The following PTPRD variants were observed in gnomAD, a reference collection of about 807,000 sequenced individuals.
PTPRD encodes the protein receptor-type tyrosine-protein phosphatase delta.
A neutral mutation model predicts 214.5 loss-of-function variants in PTPRD; 34 were observed. That is an observed-to-expected ratio of 0.16 (90% CI 0.12 to 0.21). The LOEUF is 0.21. Ranked by LOEUF, PTPRD falls within the 10% of genes least tolerant of loss-of-function variation. The pLI, the probability that PTPRD is intolerant of heterozygous loss-of-function variation, is 1.00. For synonymous variants in PTPRD, 1,128 were observed against 845.7 expected (o/e 1.33, Z -5.79); for missense variants, 2,545 against 2,398.7 (o/e 1.06, Z -1.27).
chr9:9,005,900 T>C (rs1392532211), intron 11 of PTPRD, among the ~76,000 whole-genome samples: 2 of 152,030 alleles, frequency 1.3e-5, no homozygotes, highest in African/African-American at 2.4e-5. Context: ...GGACTTGCTA[T>C]AGAAAAATAA....
Position 9,665,705 on chromosome 9 carries a change from T to C in PTPRD, c.-287+68828A>G, listed in dbSNP as rs541481514. 2.0e-4 allele frequency among the ~76,000 whole-genome samples: 31 copies of C among 151,948 alleles called. 1 individual carries two copies. The highest frequency in any genetic ancestry group is 6.3e-4 in the African/African-American group (26 of 41,514). ...ATAGTTCTATTTGAATTTATTTATATCCTTTTTTCCTAGCCCACATTAATG... is the reference window on the plus strand; with the variant it reads ...ATAGTTCTATTTGAATTTATTTATACCCTTTTTTCCTAGCCCACATTAATG... On this transcript the variant is annotated intron_variant, in intron 7 of 45. Transcript: ENST00000381196.
intron 12 of PTPRD, among the ~76,000 whole-genome samples, chr9:8,706,330 T>C (rs1013252275): frequency 2.6e-5 from 4 of 152,208 alleles, no homozygotes; most frequent in African/African-American, 9.6e-5. Flanking sequence ...CTTTCCTTTA[T>C]TTAGTCTGAC....
chr9:10,052,770 A>C (rs1355648062), intron 3 of PTPRD, among the ~76,000 whole-genome samples: 1 of 151,938 alleles, frequency 6.6e-6, no homozygotes, highest in African/African-American at 2.4e-5. Flanking sequence ...CTTTCTTCAA[A>C]ATGTATCCAT....
intron 39 of PTPRD, among the ~76,000 whole-genome samples, chr9:8,345,740 C>G (rs765051247): frequency 4.6e-5 from 7 of 152,058 alleles, no homozygotes; most frequent in Non-Finnish European, 1.0e-4. Context: ...AAATCGAAAT[C>G]AAAGATGAAC....
In PTPRD at chr9:8,662,151, G is replaced by A. The variant is rs138863965; in HGVS notation, c.65-25307C>T. 3.3e-4 allele frequency among the ~76,000 whole-genome samples: 50 copies of A among 152,224 alleles called. No individual in the cohort carries two copies. The East Asian group carries it at 8.7e-3, about 26-fold the overall frequency. On this transcript the variant is annotated intron_variant, in intron 12 of 45. Coordinates refer to ENST00000381196, the MANE Select transcript of PTPRD (RefSeq NM_002839.4). The stretch of plus-strand genomic sequence containing the variant: ...GAACAATAACTTATGAGGATTTGAT[G>A]TATTTTACATAAGTGAGAGACAACC...
At chr9:8,350,118 T>G (rs553685659) in intron 39 of PTPRD, among the ~76,000 whole-genome samples, 1 of 152,096 alleles carries the variant, frequency 6.6e-6, no homozygotes, top group Non-Finnish European at 1.5e-5. Flanking sequence ...TCCCACGAGT[T>G]GAAACGGGCT....
At chr9:8,754,934 G>A (rs1183932831) in intron 11 of PTPRD, among the ~76,000 whole-genome samples, 3 of 152,010 alleles carry the variant, frequency 2.0e-5, no homozygotes, top group Admixed American at 6.6e-5. Context: ...AACCCAGATG[G>A]TCACTGAACA....
At chr9:10,305,574 G>A (rs1308952477) in intron 3 of PTPRD, among the ~76,000 whole-genome samples, 1 of 151,868 alleles carries the variant, frequency 6.6e-6, no homozygotes. Context: ...AAATTTAAAA[G>A]AAAGAAAACA....
chr9:10,416,724 G>C (rs2098493431), intron 2 of PTPRD, among the ~76,000 whole-genome samples: 1 of 151,802 alleles, frequency 6.6e-6, no homozygotes, highest in South Asian at 2.1e-4. Context: ...AGAGACTTAA[G>C]AGTATCTCTG....
At chr9:9,338,618 C>A (rs1365441076) in intron 9 of PTPRD, among the ~76,000 whole-genome samples, 1 of 152,112 alleles carries the variant, frequency 6.6e-6, no homozygotes, top group East Asian at 1.9e-4. Context: ...CCAAGCTCTT[C>A]AGCATTTATT....
intron 4 of PTPRD, among the ~76,000 whole-genome samples, chr9:10,031,605 T>G (rs2097070346): frequency 7.4e-6 from 1 of 135,580 alleles, no homozygotes; most frequent in Non-Finnish European, 1.5e-5. Context: ...TCATGTACAT[T>G]AATAATACTT....
At chr9:9,398,668 TA>T (rs1419687050) in intron 8 of PTPRD, among the ~76,000 whole-genome samples, 5 of 152,028 alleles carry the variant, frequency 3.3e-5, no homozygotes, top group African/African-American at 1.2e-4. Flanking sequence ...AAAAATTCTT[TA>T]AGACTTTTTC....
At chr9:9,601,288 A>G (rs1406691938) in intron 7 of PTPRD, among the ~76,000 whole-genome samples, 1 of 151,942 alleles carries the variant, frequency 6.6e-6, no homozygotes, top group Non-Finnish European at 1.5e-5. Context: ...GCTTTGTGAG[A>G]TTTTAAACTT....
chr9:8,315,809 C>G lies in PTPRD; in HGVS notation c.*2065G>C. 4.4e-6 allele frequency: 1 copy of G among 226,986 alleles called. No individual in the cohort carries two copies. The highest frequency in any genetic ancestry group is 8.8e-6 in the Non-Finnish European group (1 of 114,010). 14.1% of individuals were successfully genotyped at this position (226,986 alleles called of 1,614,324 possible). On this transcript the variant is annotated 3_prime_UTR_variant, in exon 46 of 46. Transcript: ENST00000381196. ...TAAAATTAAACCAAAGTAGTATACT[C>G]ATACCAAAACTCTTTAAGAGTTCCT... is the stretch of plus-strand genomic sequence containing the variant.
At chr9:10,018,570 C>G (rs1344632191) in intron 4 of PTPRD, among the ~76,000 whole-genome samples, 1 of 32,090 alleles carries the variant, frequency 3.1e-5, no homozygotes, top group African/African-American at 5.8e-5. Context: ...TTTTTTGAGA[C>G]GGAGTCTCGC....
intron 3 of PTPRD, among the ~76,000 whole-genome samples, chr9:10,130,650 G>A (rs536999689): frequency 6.6e-6 from 1 of 151,942 alleles, no homozygotes; most frequent in South Asian, 2.1e-4. Flanking sequence ...AGTATTTAGC[G>A]ATTATAAGTA....
chr9:9,706,654 G>A (rs184122634), intron 7 of PTPRD, among the ~76,000 whole-genome samples: 1 of 151,896 alleles, frequency 6.6e-6, no homozygotes, highest in African/African-American at 2.4e-5. Context: ...TGGCCAACCT[G>A]GTCTCGAATT....
chr9:9,589,340 T>G lies in PTPRD; in HGVS notation c.-286-14559A>C, dbSNP rs537231948. Among the ~76,000 whole-genome samples, 464 of 152,054 alleles carry G rather than the reference T, an allele frequency of 3.1e-3. 1 individual carries two copies. The highest frequency in any genetic ancestry group is 4.8e-3 in the Non-Finnish European group (328 of 67,914). On this transcript the variant is annotated intron_variant, in intron 7 of 45. Coordinates refer to ENST00000381196, the MANE Select transcript of PTPRD (RefSeq NM_002839.4). ...TGCAGCTATTTTTTTTTTCATTTAT[T>G]TAATAAAATGTCTTTCCCTTTTAAA...
chr9:10,019,698 G>T (rs1195425139), intron 4 of PTPRD, among the ~76,000 whole-genome samples: 1 of 147,678 alleles, frequency 6.8e-6, no homozygotes, highest in African/African-American at 2.5e-5. Flanking sequence ...AACACCGCAT[G>T]TTCTCACTCA....
Sources: gnomAD v4.1 joint callset for allele counts (sites outside exome capture counted in the v4.1 genomes callset) on GRCh38, gnomAD v4.1.1 for gene constraint, MANE v1.5 for transcripts, NCBI Gene and HGNC (gene_info 2026-07-23, HGNC 2026-07-21) for gene names.